GID4: variants seen among roughly 807,000 people sequenced by gnomAD.
GID4 encodes glucose-induced degradation protein 4 homolog.
A neutral mutation model predicts 32.4 loss-of-function variants in GID4; 7 were observed. The ratio of observed to expected loss-of-function variants is 0.22; its 90% confidence interval spans 0.12 to 0.41. The LOEUF (loss-of-function observed/expected upper bound fraction) is 0.41, where lower values mean the gene tolerates loss of function less well. Among genes scored for constraint, GID4 ranks in the 10% least tolerant of loss-of-function variants. The pLI, the probability that GID4 is intolerant of heterozygous loss-of-function variation, is 1.00. For synonymous variants in GID4, 166 were observed against 170.0 expected, an observed-to-expected ratio of 0.98 and a Z score of 0.18; for missense variants, 309 against 400.0, an observed-to-expected ratio of 0.77 and a Z score of 1.94.
At chr17:18,043,580 T>C (rs2044823401) in intron 1 of GID4, among the ~76,000 whole-genome samples, 1 of 152,262 alleles carries the variant, frequency 6.6e-6, no homozygotes, top group Non-Finnish European at 1.5e-5. Context: ...ATATTTAAAA[T>C]GCTTTGGCAG....
In GID4 at chr17:18,061,651, C is replaced by T. The variant is rs1224335786; in HGVS notation, c.709-194C>T. On this transcript the variant is annotated intron_variant, in intron 4 of 5. Transcript: ENST00000268719. This position sits in a 1 kb window ranked among gnomAD's most constrained non-coding sequence, Gnocchi z 4.4. Reference sequence around the variant, plus strand: ...TGTCACTTTAGTATATAGAATACTCCAGGAGCACATGGACGCTTTTTAGAA... The same window carrying T: ...TGTCACTTTAGTATATAGAATACTCTAGGAGCACATGGACGCTTTTTAGAA... Among the ~76,000 whole-genome samples, 1 of 152,096 alleles carries T rather than the reference C, an allele frequency of 6.6e-6. No homozygotes were observed. Among genetic ancestry groups the T allele is most frequent in the Non-Finnish European group, 1.5e-5 (1 of 68,014 alleles).
At chr17:18,047,095 G>C (rs971678114) in intron 2 of GID4, among the ~76,000 whole-genome samples, 3 of 152,124 alleles carry the variant, frequency 2.0e-5, no homozygotes, top group Non-Finnish European at 4.4e-5. Context: ...TCTGGCTCCT[G>C]GTTCCTATCT....
rs912618979 is a variant in GID4, at chr17:18,066,780, T to G, written c.*1537T>G. 2 of 152,158 alleles carry G rather than the reference T, an allele frequency of 1.3e-5. No homozygotes were observed. The highest frequency in any genetic ancestry group is 4.8e-5 in the African/African-American group (2 of 41,414). The allele number at this position is 152,158 out of a possible 1,614,324, so 9.4% of individuals were successfully genotyped here. On this transcript the variant is annotated 3_prime_UTR_variant, in exon 6 of 6. Coordinates refer to ENST00000268719, the MANE Select transcript of GID4 (RefSeq NM_024052.5). ...TTCTTAAGAAGTGACTTTAATTTTA[T>G]TGACATATGTACTGTATGTTACTGA...
In GID4 at chr17:18,065,573, C is replaced by T. The variant is rs756793769; in HGVS notation, c.*330C>T. The stretch of plus-strand genomic sequence containing the variant: ...TTCCTTCCTCCGTCCCACCTCCAGC[C>T]GAATAGAAGGTCTGCTCCCGGATCA... On this transcript the variant is annotated 3_prime_UTR_variant, in exon 6 of 6. Coordinates refer to ENST00000268719, the MANE Select transcript of GID4 (RefSeq NM_024052.5). The T allele has an allele frequency of 9.0e-6, 3 of 334,830 alleles. No homozygotes were observed. The highest frequency in any genetic ancestry group is 1.7e-5 in the Non-Finnish European group (3 of 173,630). The allele number at this position is 334,830 out of a possible 1,614,324, so 20.7% of individuals were successfully genotyped here. A position where few individuals can be genotyped will look rare whatever the true frequency, so the allele number is the denominator to read the frequency against.
At chr17:18,050,730 C>T (rs1191724116) in intron 2 of GID4, among the ~76,000 whole-genome samples, 1 of 152,210 alleles carries the variant, frequency 6.6e-6, no homozygotes, top group Non-Finnish European at 1.5e-5. Flanking sequence ...GTCGTGGTAC[C>T]TATCACCACA....
chr17:18,065,607 CT>C lies in GID4; in HGVS notation c.*366del. On this transcript the variant is annotated 3_prime_UTR_variant, in exon 6 of 6. Coordinates refer to ENST00000268719, the MANE Select transcript of GID4 (RefSeq NM_024052.5). ...GGTCTGCTCCCGGATCACCCTCAGC[CT>C]TGGTGCTCAGTGGTCCCGAGGCCCT... is the stretch of plus-strand genomic sequence containing the variant. 3.3e-6 allele frequency: 1 copy of C among 303,742 alleles called. No individual in the cohort carries two copies. 18.8% of individuals were successfully genotyped at this position (303,742 alleles called of 1,614,324 possible).
At chr17:18,059,401 G>GGA (rs890285355) in intron 4 of GID4, among the ~76,000 whole-genome samples, 3 of 152,156 alleles carry the variant, frequency 2.0e-5, no homozygotes, top group Middle Eastern at 3.4e-3. Context: ...CACCATCCGT[G>GGA]GGCCAGGTGC....
At position 18,061,737 on chromosome 17, in the gene GID4, C is replaced by G; in HGVS notation, c.709-108C>G. Reference sequence around the variant, plus strand: ...GCAAGTCTAGGTTAGACTATGAGATCCTATATTTTTCTCGAGTGGTCCTTA... The same window carrying G: ...GCAAGTCTAGGTTAGACTATGAGATGCTATATTTTTCTCGAGTGGTCCTTA... On this transcript the variant is annotated intron_variant, in intron 4 of 5. Coordinates refer to ENST00000268719, the MANE Select transcript of GID4 (RefSeq NM_024052.5). This position sits in a 1 kb window ranked among gnomAD's most constrained non-coding sequence, Gnocchi z 4.4. 1 of 1,038,972 alleles carries G rather than the reference C, an allele frequency of 9.6e-7. No homozygotes were observed. The highest frequency in any genetic ancestry group is 1.5e-6 in the Non-Finnish European group (1 of 682,820). The allele number at this position is 1,038,972 out of a possible 1,614,324, so 64.4% of individuals were successfully genotyped here. A position where few individuals can be genotyped will look rare whatever the true frequency, so the allele number is the denominator to read the frequency against.
At chr17:18,040,468 C>A (rs565058788) in intron 1 of GID4, among the ~76,000 whole-genome samples, 73 of 152,324 alleles carry the variant, frequency 4.8e-4, no homozygotes, top group African/African-American at 1.7e-3. Context: ...GAGCACCTAA[C>A]CCGCAACTGA....
chr17:18,052,963 T>C (rs2044927118), intron 2 of GID4, among the ~76,000 whole-genome samples: 1 of 151,170 alleles, frequency 6.6e-6, no homozygotes. Flanking sequence ...TATAGTTCAT[T>C]ACTAGAAGTT....
At chr17:18,064,952 C>T (rs2045047389) in intron 5 of GID4, among the ~76,000 whole-genome samples, 1 of 151,488 alleles carries the variant, frequency 6.6e-6, no homozygotes, top group Admixed American at 6.6e-5. Flanking sequence ...ATGATTAGAG[C>T]AGAATGAAAA....
At chr17:18,053,483 G>A (rs891165559) in intron 2 of GID4, among the ~76,000 whole-genome samples, 1 of 151,972 alleles carries the variant, frequency 6.6e-6, no homozygotes, top group African/African-American at 2.4e-5. Context: ...CGTGGTGGCA[G>A]CCAACTGTAA....
intron 2 of GID4, among the ~76,000 whole-genome samples, chr17:18,052,334 C>T (rs529835545): frequency 1.2e-3 from 176 of 152,214 alleles, no homozygotes; most frequent in Non-Finnish European, 1.9e-3. Flanking sequence ...GCGGTGGTGA[C>T]GTTCTGTTTC....
At chr17:18,056,468 G>A (rs1438837121) in intron 3 of GID4, among the ~76,000 whole-genome samples, 1 of 152,194 alleles carries the variant, frequency 6.6e-6, no homozygotes, top group African/African-American at 2.4e-5. Context: ...GGCTCTTCCT[G>A]CATGGCTTGC....
intron 5 of GID4, 163 bp downstream of exon 5, chr17:18,062,138 TA>T: frequency 1.5e-6 from 1 of 652,804 alleles, no homozygotes. Context: ...TTGCTCACAA[TA>T]AGGCCTTATC....
chr17:18,041,818 C>T (rs1173503068), intron 1 of GID4, among the ~76,000 whole-genome samples: 1 of 152,312 alleles, frequency 6.6e-6, no homozygotes, highest in South Asian at 2.1e-4. Context: ...CACTTCTGAG[C>T]TCCTTTCAGA....
chr17:18,048,649 T>C (rs1397644128), intron 2 of GID4, among the ~76,000 whole-genome samples: 1 of 152,050 alleles, frequency 6.6e-6, no homozygotes, highest in Non-Finnish European at 1.5e-5. Context: ...TTTATTTTTA[T>C]TTTTTGTTTT....
chr17:18,044,784 G>A (rs59754425), intron 1 of GID4, among the ~76,000 whole-genome samples: 1,892 of 152,314 alleles, frequency 0.012, 35 homozygotes, highest in African/African-American at 0.041. Context: ...ATGACACCAC[G>A]TGTACAGGCA....
intron 1 of GID4, among the ~76,000 whole-genome samples, chr17:18,042,628 T>C (rs897892215): frequency 1.3e-5 from 2 of 152,258 alleles, no homozygotes; most frequent in African/African-American, 4.8e-5. Context: ...AACATTTATG[T>C]ACAAGTTTTT....
Sources: gnomAD v4.1 joint callset for allele counts (sites outside exome capture counted in the v4.1 genomes callset) on GRCh38, gnomAD v4.1.1 for gene constraint, Gnocchi (gnomAD v3.1) non-coding constraint, MANE v1.5 for transcripts, NCBI Gene and HGNC (gene_info 2026-07-23, HGNC 2026-07-21) for gene names.